RIMS2: variants seen among roughly 807,000 people sequenced by gnomAD.
RIMS2 encodes regulating synaptic membrane exocytosis protein 2.
In RIMS2, 59 loss-of-function variants were observed where a neutral mutation model predicts 174.4. The ratio of observed to expected loss-of-function variants is 0.34; its 90% CI spans 0.27 to 0.42. The LOEUF (loss-of-function observed/expected upper bound fraction) is 0.42, where lower values mean the gene tolerates loss of function less well. Among genes scored for constraint, RIMS2 ranks in the 10% least tolerant of loss-of-function variants. The pLI is 1.00. For synonymous variants in RIMS2, 606 were observed against 572.5 expected (o/e 1.06, Z -0.84); for missense variants, 1,620 against 1,666.3 (o/e 0.97, Z 0.48).
intron 19 of RIMS2, among the ~76,000 whole-genome samples, chr8:104,073,590 G>GTA (rs1398516039): frequency 6.6e-6 from 1 of 152,170 alleles, no homozygotes. Context: ...TTAAGAAGCA[G>GTA]TATAATCTAT....
chr8:103,916,381 G>A lies in RIMS2; in HGVS notation c.1913-33G>A, dbSNP rs191517679. On this transcript the variant is annotated intron_variant, in intron 7 of 23. Transcript: ENST00000504942. ...TGTAATTTGTCAGATCAAATTTTCTGTATAAGATTATTATTACTGACACCC... is the reference window on the plus strand; with the variant it reads ...TGTAATTTGTCAGATCAAATTTTCTATATAAGATTATTATTACTGACACCC... 3.0e-3 allele frequency: 4,664 copies of A among 1,539,794 alleles called. 9 individuals are homozygous for A. The highest frequency in any genetic ancestry group is 3.4e-3 in the Non-Finnish European group (3,841 of 1,133,140).
chr8:103,765,007 A>T (rs932379484), intron 2 of RIMS2, among the ~76,000 whole-genome samples: 1 of 152,194 alleles, frequency 6.6e-6, no homozygotes, highest in African/African-American at 2.4e-5. Flanking sequence ...ATGGACAATA[A>T]GGTAAAAAAT....
At position 103,541,090 on chromosome 8, in the gene RIMS2, G is replaced by A. The variant is rs531375775; in HGVS notation, c.176+40028G>A. On this transcript the variant is annotated intron_variant, in intron 1 of 23. Coordinates refer to ENST00000504942, the Ensembl canonical transcript of RIMS2. ...GAAAGGGGCAGAAAGTTTACTTAAA[G>A]AAATAATAGCAGAACAGTTTCCAAA... 6.6e-5 allele frequency among the ~76,000 whole-genome samples: 10 copies of A among 152,286 alleles called. No homozygotes were observed. In the East Asian group the frequency reaches 1.9e-3, roughly 29 times the overall value.
At chr8:103,964,377 A>T in intron 15 of RIMS2, among the ~76,000 whole-genome samples, 1 of 152,140 alleles carries the variant, frequency 6.6e-6, no homozygotes, top group East Asian at 1.9e-4. Flanking sequence ...GTATAGTGGT[A>T]TCTTGTTGTT....
At chr8:104,201,045 C>G (rs1036679254) in intron 19 of RIMS2, among the ~76,000 whole-genome samples, 1 of 152,068 alleles carries the variant, frequency 6.6e-6, no homozygotes, top group African/African-American at 2.4e-5. Flanking sequence ...AATTGCATCA[C>G]TGGGGTTTGG....
intron 19 of RIMS2, among the ~76,000 whole-genome samples, chr8:104,099,807 A>G (rs1015938377): frequency 6.7e-6 from 1 of 148,728 alleles, no homozygotes; most frequent in Non-Finnish European, 1.5e-5. Context: ...GAAAACATTT[A>G]TTTTTTCTTT....
intron 17 of RIMS2, among the ~76,000 whole-genome samples, chr8:103,999,719 T>C (rs2095301785): frequency 6.6e-6 from 1 of 151,774 alleles, no homozygotes; most frequent in Admixed American, 6.6e-5. Flanking sequence ...AGTTTGTATT[T>C]TCTTAGTCTC....
At chr8:104,161,693 C>T (rs1566766791) in intron 19 of RIMS2, among the ~76,000 whole-genome samples, 1 of 152,158 alleles carries the variant, frequency 6.6e-6, no homozygotes, top group African/African-American at 2.4e-5. Flanking sequence ...ATTTACCATG[C>T]CATCCTAAGA....
At chr8:103,745,452 G>T (rs1181957312) in intron 2 of RIMS2, among the ~76,000 whole-genome samples, 1 of 152,028 alleles carries the variant, frequency 6.6e-6, no homozygotes, top group Non-Finnish European at 1.5e-5. Flanking sequence ...GTTGTGTAAA[G>T]ATTTGTTTTC....
chr8:103,626,616 A>T (rs1025891874), intron 1 of RIMS2, among the ~76,000 whole-genome samples: 1 of 152,166 alleles, frequency 6.6e-6, no homozygotes, highest in African/African-American at 2.4e-5. Flanking sequence ...AAAAATATTG[A>T]TGTCTATCGG....
At chr8:103,811,735 C>A (rs1366119641) in intron 3 of RIMS2, among the ~76,000 whole-genome samples, 1 of 152,248 alleles carries the variant, frequency 6.6e-6, no homozygotes, top group Non-Finnish European at 1.5e-5. Context: ...CGTGGGCCAC[C>A]ACACCCAGCT....
chr8:104,047,824 C>T (rs563216479), intron 19 of RIMS2, among the ~76,000 whole-genome samples: 2 of 152,150 alleles, frequency 1.3e-5, no homozygotes, highest in African/African-American at 2.4e-5. Flanking sequence ...TGCACCTGTA[C>T]TCTTAAGCTT....
chr8:103,925,354 A>G (rs936728535), intron 10 of RIMS2, among the ~76,000 whole-genome samples: 1 of 151,602 alleles, frequency 6.6e-6, no homozygotes, highest in African/African-American at 2.4e-5. Flanking sequence ...AAAGGAATAC[A>G]TAATTTAAGG....
chr8:103,742,964 C>T (rs949163317), intron 2 of RIMS2, among the ~76,000 whole-genome samples: 13 of 152,092 alleles, frequency 8.5e-5, no homozygotes, highest in African/African-American at 2.7e-4. Context: ...TATAAGATAG[C>T]GTACCATGAA....
At chr8:104,071,094 A>G (rs981983865) in intron 19 of RIMS2, among the ~76,000 whole-genome samples, 1 of 152,218 alleles carries the variant, frequency 6.6e-6, no homozygotes, top group African/African-American at 2.4e-5. Context: ...AGCAATAGCA[A>G]TGATTCTTGT....
At chr8:104,236,108 G>A (rs1381959658) in intron 19 of RIMS2, among the ~76,000 whole-genome samples, 1 of 150,094 alleles carries the variant, frequency 6.7e-6, no homozygotes, top group African/African-American at 2.5e-5. Context: ...TGTATTTCCA[G>A]TAAACTGGAG....
At chr8:103,961,104 A>G (rs2089889979) in exon 15 of RIMS2, 1 of 1,507,692 alleles carries the variant, frequency 6.6e-7, no homozygotes, top group Non-Finnish European at 9.2e-7. Context: ...TCTGACTATG[A>G]CTGTGATGAT....
intron 1 of RIMS2, among the ~76,000 whole-genome samples, chr8:103,672,811 A>G (rs546729691): frequency 6.6e-6 from 1 of 152,186 alleles, no homozygotes; most frequent in South Asian, 2.1e-4. Context: ...AAATACAATC[A>G]TGCCTTCACA....
intron 12 of RIMS2, among the ~76,000 whole-genome samples, chr8:103,932,348 G>A (rs1029367397): frequency 6.6e-6 from 1 of 152,116 alleles, no homozygotes; most frequent in Non-Finnish European, 1.5e-5. Flanking sequence ...GCAAAGAAAA[G>A]GACAAAAGAA....
Sources: allele counts gnomAD v4.1 joint callset (sites outside exome capture counted in the v4.1 genomes callset), GRCh38; gene constraint gnomAD v4.1.1; transcripts MANE v1.5; gene names NCBI Gene and HGNC (gene_info 2026-07-23, HGNC 2026-07-21).